The following PCDH15 variants were observed in gnomAD, a reference collection of about 807,000 sequenced individuals.
The protein encoded by PCDH15 is protocadherin related 15.
Under a neutral mutation model 178.5 loss-of-function variants are expected in PCDH15, and 129 were observed. The ratio of observed to expected loss-of-function variants is 0.72; its 90% CI spans 0.63 to 0.84. The LOEUF (loss-of-function observed/expected upper bound fraction) is 0.84, where lower values mean the gene tolerates loss of function less well. Ranked by LOEUF, PCDH15 falls within the 40% of genes least tolerant of loss-of-function variation. The pLI is 0.00. For missense variants in PCDH15, 2,230 were observed against 2,099.9 expected, an observed-to-expected ratio of 1.06 and a Z score of -1.21; for synonymous variants, 800 against 732.0, an observed-to-expected ratio of 1.09 and a Z score of -1.50.
chr10:55,148,685 T>G (rs571798476), intron 2 of PCDH15, among the ~76,000 whole-genome samples: 100 of 151,872 alleles, frequency 6.6e-4, no homozygotes, highest in African/African-American at 2.3e-3. Flanking sequence ...CACATTTTAT[T>G]GGAAAATCTA....
intron 2 of PCDH15, among the ~76,000 whole-genome samples, chr10:55,367,862 A>T (rs901222768): frequency 6.6e-6 from 1 of 152,084 alleles, no homozygotes; most frequent in Non-Finnish European, 1.5e-5. Flanking sequence ...AACCCAACAC[A>T]TTGGAGCAAT....
At chr10:54,869,648 T>C (rs989299650) in intron 3 of PCDH15, among the ~76,000 whole-genome samples, 9 of 152,196 alleles carry the variant, frequency 5.9e-5, no homozygotes, top group African/African-American at 2.2e-4. Flanking sequence ...TTTCTTCATA[T>C]GATTTTAGCA....
At chr10:55,286,068 T>C (rs760838486) in intron 1 of PCDH15, among the ~76,000 whole-genome samples, 27 of 152,016 alleles carry the variant, frequency 1.8e-4, no homozygotes, top group Non-Finnish European at 3.2e-4. Flanking sequence ...ACTCTCATTT[T>C]AAGATTCACA....
At chr10:53,825,140 G>A in intron 32 of PCDH15, 2 of 1,542,158 alleles carry the variant, frequency 1.3e-6, no homozygotes, top group Non-Finnish European at 8.8e-7. Flanking sequence ...ACTTACTTAT[G>A]CCTATGTATC....
intron 2 of PCDH15, among the ~76,000 whole-genome samples, chr10:54,537,174 T>C (rs1318813385): frequency 6.6e-6 from 1 of 152,000 alleles, no homozygotes; most frequent in Non-Finnish European, 1.5e-5. Flanking sequence ...AATTTTTTTG[T>C]ATTTTCAGTA....
intron 2 of PCDH15, among the ~76,000 whole-genome samples, chr10:55,611,742 T>C (rs1843370547): frequency 6.6e-6 from 1 of 152,012 alleles, no homozygotes; most frequent in Non-Finnish European, 1.5e-5. Flanking sequence ...AGCCAAGATA[T>C]GGAAACAATC....
At chr10:54,931,181 G>A (rs1837765031) in intron 2 of PCDH15, among the ~76,000 whole-genome samples, 1 of 152,140 alleles carries the variant, frequency 6.6e-6, no homozygotes, top group Admixed American at 6.5e-5. Context: ...ACAGTGATGA[G>A]CTATATTATC....
chr10:54,851,900 G>A (rs1208018220), intron 3 of PCDH15, among the ~76,000 whole-genome samples: 1 of 152,016 alleles, frequency 6.6e-6, no homozygotes, highest in African/African-American at 2.4e-5. Flanking sequence ...ACAAATTTTG[G>A]TAATAAAAAT....
intron 2 of PCDH15, among the ~76,000 whole-genome samples, chr10:54,547,197 C>G (rs2085958197): frequency 6.6e-6 from 1 of 152,106 alleles, no homozygotes. Flanking sequence ...TTCAAAGATA[C>G]AATAAAATAG....
intron 3 of PCDH15, among the ~76,000 whole-genome samples, chr10:54,513,241 G>GTTTATTTA (rs201541722): frequency 0.056 from 8,128 of 145,944 alleles, 437 homozygotes; most frequent in East Asian, 0.25. Context: ...ATTTATTTTT[G>GTTTATTTA]TTTATTTATT....
At chr10:54,366,504 T>C (rs906413335) in intron 5 of PCDH15, among the ~76,000 whole-genome samples, 3 of 152,028 alleles carry the variant, frequency 2.0e-5, no homozygotes, top group Admixed American at 6.6e-5. Flanking sequence ...ACATATATAG[T>C]ATGTATGTAT....
At chr10:55,280,448 T>A (rs1432165812) in intron 1 of PCDH15, among the ~76,000 whole-genome samples, 1 of 138,378 alleles carries the variant, frequency 7.2e-6, no homozygotes, top group Admixed American at 7.0e-5. Flanking sequence ...CCAGCTATTT[T>A]TTTTTTTTTT....
intron 2 of PCDH15, among the ~76,000 whole-genome samples, chr10:54,570,103 G>A (rs181126707): frequency 2.2e-4 from 34 of 151,882 alleles, no homozygotes; most frequent in Middle Eastern, 3.4e-3. Flanking sequence ...TCACTGTCTC[G>A]GGAGTATGTA....
chr10:54,726,227 T>C (rs2132576044), intron 1 of PCDH15, among the ~76,000 whole-genome samples: 1 of 151,770 alleles, frequency 6.6e-6, no homozygotes, highest in East Asian at 1.9e-4. Context: ...ATCTCAAATA[T>C]ACTTAATGAA....
intron 35 of PCDH15, among the ~76,000 whole-genome samples, chr10:53,813,937 T>G (rs2075969357): frequency 6.6e-6 from 1 of 152,160 alleles, no homozygotes; most frequent in African/African-American, 2.4e-5. Flanking sequence ...GGTTTATACT[T>G]TTCTTATGGG....
In PCDH15 at chr10:54,583,200, C is replaced by A. The variant is rs141161151; in HGVS notation, c.92-55323G>T. ...AACTTTATGAAAATAAAATTATACCCTTGAATTTATACCCAAAAATTCTCA... is the reference window on the plus strand; with the variant it reads ...AACTTTATGAAAATAAAATTATACCATTGAATTTATACCCAAAAATTCTCA... On this transcript the variant is annotated intron_variant, in intron 2 of 37. Transcript: ENST00000644397. 4.2e-4 allele frequency among the ~76,000 whole-genome samples: 64 copies of A among 152,120 alleles called. No homozygotes were observed. In the East Asian group the frequency reaches 8.3e-3, roughly 20 times the overall value.
chr10:54,280,805 C>T (rs976351229), intron 8 of PCDH15, among the ~76,000 whole-genome samples: 3 of 151,766 alleles, frequency 2.0e-5, no homozygotes, highest in African/African-American at 7.3e-5. Context: ...TTCTATTTCT[C>T]GACTTTTGCT....
chr10:55,516,517 C>T (rs898091572), intron 2 of PCDH15, among the ~76,000 whole-genome samples: 7 of 152,132 alleles, frequency 4.6e-5, no homozygotes, highest in African/African-American at 1.7e-4. Context: ...CAGACTGTGT[C>T]TTTCTGAATA....
At chr10:54,037,646 G>A (rs1010331298) in intron 18 of PCDH15, among the ~76,000 whole-genome samples, 36 of 151,824 alleles carry the variant, frequency 2.4e-4, no homozygotes, top group Admixed American at 1.9e-3. Context: ...TATGTGACTC[G>A]CTTTGTTGCA....
Sources: allele counts gnomAD v4.1 joint callset (sites outside exome capture counted in the v4.1 genomes callset), GRCh38; gene constraint gnomAD v4.1.1; transcripts MANE v1.5; gene names NCBI Gene and HGNC (gene_info 2026-07-23, HGNC 2026-07-21).